Variants in TAF12 observed in about 807,000 individuals in gnomAD.
The protein encoded by TAF12 is transcription initiation factor TFIID subunit 12.
Under a neutral mutation model 20.8 loss-of-function variants are expected in TAF12, and 3 were observed. The ratio of observed to expected loss-of-function variants is 0.14; its 90% CI spans 0.07 to 0.37. TAF12 has a LOEUF of 0.37. Among genes scored for constraint, TAF12 ranks in the 10% least tolerant of loss-of-function variants. The pLI is 1.00. For missense variants in TAF12, 131 were observed against 197.9 expected (o/e 0.66, Z 2.03); for synonymous variants, 69 against 70.2 (o/e 0.98, Z 0.09).
Position 28,627,960 on chromosome 1 carries a change from A to G in TAF12, c.-84-5795T>C, listed in dbSNP as rs541593960. Among the ~76,000 whole-genome samples the G allele has an allele frequency of 1.2e-4, 19 of 152,138 alleles. No individual in the cohort carries two copies. The South Asian group carries it at 3.5e-3, about 28-fold the overall frequency. On this transcript the variant is annotated intron_variant, in intron 1 of 5. Coordinates refer to ENST00000373824, the MANE Select transcript of TAF12 (RefSeq NM_005644.4). ...TGGCAAGATTTTAAAACTGTAACAC[A>G]TTTGATGGGTGGTAATACATAGGCT...
chr1:28,645,408 G>A (rs1394426137), upstream of TAF12, among the ~76,000 whole-genome samples: 2 of 150,226 alleles, frequency 1.3e-5, no homozygotes, highest in Non-Finnish European at 3.0e-5. Context: ...CCAGCACTTT[G>A]GGAGGCTGAG....
At chr1:28,643,306 C>T (rs1309160143), upstream of TAF12, 1 of 162,204 alleles carries the variant, frequency 6.2e-6, no homozygotes, top group Non-Finnish European at 1.3e-5. Flanking sequence ...GAATCCTTCA[C>T]TAGCTTTTCT....
chr1:28,612,836 T>G (rs1244035865), intron 4 of TAF12, among the ~76,000 whole-genome samples: 2 of 152,098 alleles, frequency 1.3e-5, no homozygotes, highest in African/African-American at 2.4e-5. Flanking sequence ...AACAGTTTTA[T>G]TTGCATGGTG....
rs550117619 is a variant in TAF12 at position 28,629,049 on chromosome 1, T to C, written c.-84-6884A>G. Among the ~76,000 whole-genome samples, 14 of 152,306 alleles carry C rather than the reference T, an allele frequency of 9.2e-5. 1 individual carries two copies. In the South Asian group the frequency reaches 2.7e-3, roughly 29 times the overall value. ...TTGCACCACTGCACTCTAGCTGGGG[T>C]GACAGAGCAAGACTCCGTCTCAAAT... On this transcript the variant is annotated intron_variant, in intron 1 of 5. Coordinates refer to ENST00000373824, the MANE Select transcript of TAF12 (RefSeq NM_005644.4).
At chr1:28,610,469 CTT>C in intron 4 of TAF12, among the ~76,000 whole-genome samples, 1 of 151,692 alleles carries the variant, frequency 6.6e-6, no homozygotes, top group African/African-American at 2.4e-5. Flanking sequence ...TTTTTTAAAT[CTT>C]TTTTAAATCT....
intron 1 of TAF12, among the ~76,000 whole-genome samples, chr1:28,633,800 T>C (rs1456415140): frequency 6.6e-6 from 1 of 150,658 alleles, no homozygotes; most frequent in Non-Finnish European, 1.5e-5. Context: ...TAATCCCAGC[T>C]ATTCGGGAGG....
intron 2 of TAF12, among the ~76,000 whole-genome samples, chr1:28,618,290 C>T (rs187443317): frequency 1.3e-5 from 2 of 152,328 alleles, no homozygotes; most frequent in Non-Finnish European, 2.9e-5. Context: ...ATGTCTTTTT[C>T]TCACTGTGTC....
chr1:28,617,887 G>C, intron 3 of TAF12, 66 bp downstream of exon 3: 2 of 1,475,542 alleles, frequency 1.4e-6, no homozygotes, highest in Non-Finnish European at 1.9e-6. Flanking sequence ...GCCTGTTTGT[G>C]CTCTTAACCA....
At chr1:28,625,537 A>ATTTTT (rs753920655) in intron 1 of TAF12, among the ~76,000 whole-genome samples, 3 of 133,440 alleles carry the variant, frequency 2.2e-5, no homozygotes, top group Non-Finnish European at 3.2e-5. Context: ...CACCCAGCTA[A>ATTTTT]TTTTTTTTTT....
rs1012675565 is a variant in TAF12 at position 28,618,174 on chromosome 1, C to T, written c.169-144G>A. The stretch of plus-strand genomic sequence containing the variant: ...TCACAGTCTGGCCTACCTGACTATG[C>T]TGCTGTAAGACTACACTCTCAAGAC... On this transcript the variant is annotated intron_variant, in intron 2 of 5. Transcript: ENST00000373824. 4.4e-6 allele frequency: 3 copies of T among 688,230 alleles called. No homozygotes were observed. In the Admixed American group the frequency reaches 8.5e-5, roughly 19 times the overall value. The allele number at this position is 688,230 out of a possible 1,614,324, so 42.6% of individuals were successfully genotyped here.
intron 3 of TAF12, among the ~76,000 whole-genome samples, chr1:28,617,401 C>T (rs1667076905): frequency 6.6e-6 from 1 of 151,810 alleles, no homozygotes; most frequent in Non-Finnish European, 1.5e-5. Context: ...CTTCAACCTC[C>T]CTAGTAGCTG....
rs1406478464 is a variant in TAF12, at chr1:28,618,035, A to G, written c.169-5T>C. 3 of 1,611,278 alleles carry G rather than the reference A, an allele frequency of 1.9e-6. No individual in the cohort carries two copies. Among genetic ancestry groups the G allele is most frequent in the African/African-American group, 2.7e-5 (2 of 74,818 alleles). ...TAATTTCTTCTTGGTCAATACCTAA[A>G]GTTAATTGGAAGAAGACTTTTCAAC... is the stretch of plus-strand genomic sequence containing the variant. On this transcript the variant is annotated splice_region_variant and splice_polypyrimidine_tract_variant and intron_variant, in intron 2 of 5. Coordinates refer to ENST00000373824, the MANE Select transcript of TAF12 (RefSeq NM_005644.4).
At chr1:28,627,825 A>G (rs1234748883) in intron 1 of TAF12, among the ~76,000 whole-genome samples, 2 of 152,166 alleles carry the variant, frequency 1.3e-5, no homozygotes, top group Non-Finnish European at 2.9e-5. Context: ...ATTCTGACTA[A>G]GCAAACGATT....
intron 1 of TAF12, among the ~76,000 whole-genome samples, chr1:28,634,824 G>T (rs1557473016): frequency 6.6e-6 from 1 of 152,178 alleles, no homozygotes; most frequent in East Asian, 1.9e-4. Flanking sequence ...AGCTACTCGG[G>T]AAGCTGAGGC....
intron 1 of TAF12, among the ~76,000 whole-genome samples, chr1:28,630,234 C>G (rs1325378101): frequency 1.3e-5 from 2 of 152,196 alleles, no homozygotes; most frequent in Admixed American, 1.3e-4. Flanking sequence ...GCACAAGCCT[C>G]CATGCCCAGC....
chr1:28,638,480 C>T (rs530135659), intron 1 of TAF12, among the ~76,000 whole-genome samples: 2 of 144,464 alleles, frequency 1.4e-5, no homozygotes, highest in Admixed American at 7.1e-5. Context: ...TAAGCCACCG[C>T]GCCCGGCCTA....
chr1:28,640,821 A>G (rs1423807434), intron 1 of TAF12, among the ~76,000 whole-genome samples: 3 of 152,194 alleles, frequency 2.0e-5, no homozygotes, highest in Non-Finnish European at 2.9e-5. Context: ...GCTCATGCCT[A>G]TAAGAACATT....
intron 1 of TAF12, among the ~76,000 whole-genome samples, chr1:28,633,698 G>A (rs749433416): frequency 1.3e-4 from 20 of 151,682 alleles, no homozygotes; most frequent in Non-Finnish European, 2.5e-4. Flanking sequence ...GATCATCTAA[G>A]GCTGGGAGTT....
At chr1:28,636,706 C>A (rs1241862597) in intron 1 of TAF12, among the ~76,000 whole-genome samples, 1 of 151,080 alleles carries the variant, frequency 6.6e-6, no homozygotes, top group Non-Finnish European at 1.5e-5. Flanking sequence ...GAGGTTAAGG[C>A]GGGAGGATCA....
Sources: allele counts gnomAD v4.1 joint callset (sites outside exome capture counted in the v4.1 genomes callset), GRCh38; gene constraint gnomAD v4.1.1; transcripts MANE v1.5; gene names NCBI Gene and HGNC (gene_info 2026-07-23, HGNC 2026-07-21).